Variants in ACSL6 observed in about 807,000 individuals in gnomAD.
The protein encoded by ACSL6 is acyl-CoA synthetase long chain family member 6.
Under a neutral mutation model 98.2 loss-of-function variants are expected in ACSL6, and 47 were observed. The observed-to-expected ratio is 0.48, with a 90% CI of 0.38 to 0.61. The LOEUF is 0.61. ACSL6 is among the 20% of genes least tolerant of loss of function. The pLI is 0.00. For synonymous variants in ACSL6, 362 were observed against 336.9 expected (o/e 1.07, Z -0.82); for missense variants, 761 against 913.4 (o/e 0.83, Z 2.15).
At chr5:131,985,116 G>A (rs1044123121) in intron 9 of ACSL6, 5 of 440,094 alleles carry the variant, frequency 1.1e-5, no homozygotes, top group African/African-American at 7.9e-5. Flanking sequence ...ATGCCAGTGA[G>A]AAAGGACCTT....
At chr5:131,962,344 A>G (rs1414280820) in intron 18 of ACSL6, among the ~76,000 whole-genome samples, 191 bp downstream of exon 18, 1 of 152,264 alleles carries the variant, frequency 6.6e-6, no homozygotes, top group Non-Finnish European at 1.5e-5. Context: ...CATTAGTACT[A>G]CTTCAGACAA....
chr5:131,971,245 G>C (rs142006639), intron 14 of ACSL6, among the ~76,000 whole-genome samples: 1 of 152,280 alleles, frequency 6.6e-6, no homozygotes, highest in East Asian at 1.9e-4. Flanking sequence ...TACAGGTATG[G>C]TACAGATTCT....
Position 131,986,847 on chromosome 5 carries a change from CCA to C in ACSL6, c.837_838del (p.Cys279TrpfsTer14). ...CACAGGAGCCTGGTGATTCTCTTGG[CCA>C]CAGTCCTGAAAGAAGAAAATGCTGT... is the stretch of plus-strand genomic sequence containing the variant. On this transcript the variant is annotated frameshift_variant, in exon 8 of 21. Coordinates refer to ENST00000651883, the MANE Select transcript of ACSL6 (RefSeq NM_001009185.3). LOFTEE classifies it high-confidence loss of function. 6.2e-7 allele frequency: 1 copy of C among 1,614,170 alleles called. No homozygotes were observed. Among genetic ancestry groups the C allele is most frequent in the Non-Finnish European group, 8.5e-7 (1 of 1,180,038 alleles).
intron 2 of ACSL6, 141 bp from the exon 3 acceptor site, chr5:131,991,108 G>A (rs1754486783): frequency 1.2e-5 from 8 of 679,880 alleles, no homozygotes; most frequent in Admixed American, 4.3e-5. Context: ...GTGTGCCCGC[G>A]TACACATGGA....
chr5:131,988,965 T>C, intron 5 of ACSL6, 61 bp from the exon 6 acceptor site: 9 of 1,486,088 alleles, frequency 6.1e-6, no homozygotes, highest in Non-Finnish European at 8.4e-6. Context: ...TGTCCTGCCC[T>C]TAGGCCTAGG....
intron 9 of ACSL6, among the ~76,000 whole-genome samples, chr5:131,979,432 A>T (rs957146250): frequency 6.6e-6 from 1 of 151,890 alleles, no homozygotes; most frequent in Non-Finnish European, 1.5e-5. Context: ...CTTCATTGAT[A>T]AAAAAAAATT....
chr5:131,955,437 T>G (rs1752350779), intron 20 of ACSL6, among the ~76,000 whole-genome samples: 1 of 152,162 alleles, frequency 6.6e-6, no homozygotes, highest in African/African-American at 2.4e-5. Context: ...ACATAAACCA[T>G]CCTAAGAGAC....
chr5:131,980,681 C>T (rs1172894943), intron 9 of ACSL6, among the ~76,000 whole-genome samples: 1 of 152,184 alleles, frequency 6.6e-6, no homozygotes, highest in African/African-American at 2.4e-5. Context: ...GAATTGATCT[C>T]TCATGTTTTG....
intron 10 of ACSL6, chr5:131,975,484 G>A: frequency 1.0e-6 from 1 of 985,340 alleles, no homozygotes; most frequent in Non-Finnish European, 1.2e-6. Context: ...TCTAGTCCTT[G>A]CAGAGAAAGG....
chr5:132,006,100 C>T (rs1755393020), intron 1 of ACSL6, among the ~76,000 whole-genome samples: 1 of 152,146 alleles, frequency 6.6e-6, no homozygotes, highest in Admixed American at 6.5e-5. Flanking sequence ...GAAGCCATTC[C>T]CAACTCCCCC....
At chr5:132,009,378 T>C (rs1755589798) in intron 1 of ACSL6, among the ~76,000 whole-genome samples, 2 of 152,208 alleles carry the variant, frequency 1.3e-5, no homozygotes, top group Non-Finnish European at 2.9e-5. Context: ...CGTGGGACCA[T>C]GGGACCCTGG....
chr5:131,992,095 G>A (rs921272130), intron 2 of ACSL6, among the ~76,000 whole-genome samples: 2 of 152,224 alleles, frequency 1.3e-5, no homozygotes, highest in Non-Finnish European at 2.9e-5. Context: ...TCGAAGGATG[G>A]ATGGGGGTTG....
chr5:131,988,696 G>A (rs1303656355), intron 6 of ACSL6, 109 bp downstream of exon 6: 8 of 1,571,668 alleles, frequency 5.1e-6, no homozygotes, highest in East Asian at 2.2e-5. Flanking sequence ...TATTTTCTGA[G>A]AGCAAAGTGC....
intron 1 of ACSL6, among the ~76,000 whole-genome samples, chr5:132,002,425 G>T (rs1257865794): frequency 6.6e-6 from 1 of 152,180 alleles, no homozygotes; most frequent in Non-Finnish European, 1.5e-5. Flanking sequence ...CAGGTGGCTG[G>T]GGTACAAGCA....
chr5:132,006,834 A>G (rs1755435630), intron 1 of ACSL6: 2 of 152,180 alleles, frequency 1.3e-5, no homozygotes, highest in East Asian at 3.9e-4. Flanking sequence ...AGGGTTCTCC[A>G]GTGAAGGGTA....
In ACSL6 at chr5:132,011,583, C is replaced by T. The variant is rs564248921; in HGVS notation, c.-30G>A. 11 of 1,497,804 alleles carry T rather than the reference C, an allele frequency of 7.3e-6. No homozygotes were observed. The South Asian group carries it at 1.2e-4, about 16-fold the overall frequency. 92.8% of individuals were successfully genotyped at this position (1,497,804 alleles called of 1,614,324 possible). On this transcript the variant is annotated 5_prime_UTR_variant, in exon 1 of 21. Coordinates refer to ENST00000651883, the MANE Select transcript of ACSL6 (RefSeq NM_001009185.3). The surrounding 1 kb of genome is among the most constrained non-coding windows in gnomAD (Gnocchi z 5.4). Reference sequence around the variant, plus strand: ...GTCAGCGGGGCCCGGCCCGGCCCGGCCCGGCCTCCCCGACCCGCAGCCCCG... The same window carrying T: ...GTCAGCGGGGCCCGGCCCGGCCCGGTCCGGCCTCCCCGACCCGCAGCCCCG...
intron 10 of ACSL6, 88 bp from the exon 11 acceptor site, chr5:131,975,058 G>A: frequency 2.7e-6 from 4 of 1,507,190 alleles, no homozygotes; most frequent in Non-Finnish European, 3.6e-6. Context: ...AGAGAAAATG[G>A]TCCTGGAGGG....
In ACSL6 at chr5:131,994,166, C is replaced by G; in HGVS notation, c.135G>C (p.Gln45His). The change falls in exon 2 of 21, where the codon CAG (glutamine) becomes CAC (histidine). Residue 45 changes from glutamine to histidine, a missense_variant. Coordinates refer to ENST00000651883, the MANE Select transcript of ACSL6 (RefSeq NM_001009185.3). ...LRLPELGDLG[Q>H]FFRSLSATTL... ...TGGTGGCCGAGAGGCTGCGGAAAAA[C>G]TGTCCCAAGTCACCTAGCTCAGGCA... 1 of 1,614,236 alleles carries G rather than the reference C, an allele frequency of 6.2e-7. No homozygotes were observed.
chr5:132,006,249 T>C (rs1755401677), intron 1 of ACSL6: 1 of 152,202 alleles, frequency 6.6e-6, no homozygotes, highest in African/African-American at 2.4e-5. Context: ...GGTCTCAGAA[T>C]AGATAGCTCG....
Sources: gnomAD v4.1 joint callset for allele counts (sites outside exome capture counted in the v4.1 genomes callset) on GRCh38, gnomAD v4.1.1 for gene constraint, Gnocchi (gnomAD v3.1) non-coding constraint, MANE v1.5 for transcripts, NCBI Gene and HGNC (gene_info 2026-07-23, HGNC 2026-07-21) for gene names.